ARMC1: variants seen among roughly 807,000 people sequenced by gnomAD.
ARMC1 encodes the protein armadillo repeat containing 1, also known as armadillo repeat-containing protein 1.
A neutral mutation model predicts 31.4 loss-of-function variants in ARMC1; 16 were observed. The ratio of observed to expected loss-of-function variants is 0.51; its 90% CI spans 0.34 to 0.77. ARMC1 has a LOEUF of 0.77. Among genes scored for constraint, ARMC1 ranks in the 30% least tolerant of loss-of-function variants. The pLI is 0.01. For synonymous variants in ARMC1, 114 were observed against 118.9 expected (o/e 0.96, Z 0.27); for missense variants, 259 against 347.5 (o/e 0.75, Z 2.02).
At chr8:65,620,085 C>T (rs1808360618) in intron 3 of ARMC1, among the ~76,000 whole-genome samples, 1 of 150,700 alleles carries the variant, frequency 6.6e-6, no homozygotes, top group Non-Finnish European at 1.5e-5. Flanking sequence ...TTGCACTGAG[C>T]TAACATCGTA....
intron 4 of ARMC1, among the ~76,000 whole-genome samples, chr8:65,610,895 T>C (rs557317768): frequency 4.7e-4 from 72 of 152,250 alleles, no homozygotes; most frequent in African/African-American, 1.6e-3. Flanking sequence ...TCATCTACAT[T>C]ATGAAATTTA....
intron 3 of ARMC1, among the ~76,000 whole-genome samples, chr8:65,619,435 G>A (rs554076209): frequency 6.6e-6 from 1 of 152,238 alleles, no homozygotes; most frequent in African/African-American, 2.4e-5. Flanking sequence ...GTACTCAGAA[G>A]GCTGAGACAG....
chr8:65,613,272 AC>A lies in ARMC1; in HGVS notation c.436del (p.Val146PhefsTer4). On this transcript the variant is annotated frameshift_variant, in exon 4 of 7. Transcript: ENST00000276569. LOFTEE classifies it high-confidence loss of function. ...ATCATCAAGGCCATCTATATGCAAA[AC>A]CACTGTTTTGGCACGTTTGTTTGTA... is the stretch of plus-strand genomic sequence containing the variant. The part of the protein sequence containing the change: ...GTTNKRAKTV[V>X]LHIDGLDDTS... 1 of 1,609,172 alleles carries A rather than the reference AC, an allele frequency of 6.2e-7. No individual in the cohort carries two copies. Among genetic ancestry groups the A allele is most frequent in the Non-Finnish European group, 8.5e-7 (1 of 1,178,614 alleles).
intron 2 of ARMC1, among the ~76,000 whole-genome samples, chr8:65,623,550 A>C (rs1023456187): frequency 2.0e-5 from 3 of 149,770 alleles, no homozygotes; most frequent in African/African-American, 7.4e-5. Flanking sequence ...CGGAGGTTGC[A>C]GTGAGCCGAG....
At position 65,633,609 on chromosome 8, in the gene ARMC1, A is replaced by C. The variant is rs1310218174; in HGVS notation, c.-36+389T>G. On this transcript the variant is annotated intron_variant, in intron 1 of 6. Transcript: ENST00000276569. ...CCTCCCAAAACACAGTCTTAAATATAAAAATGGGAACACTGGTCTCTCTTG... is the reference window on the plus strand; with the variant it reads ...CCTCCCAAAACACAGTCTTAAATATCAAAATGGGAACACTGGTCTCTCTTG... 6 of 152,264 alleles carry C rather than the reference A, an allele frequency of 3.9e-5. 1 individual carries two copies. Among genetic ancestry groups the C allele is most frequent in the Admixed American group, 3.9e-4 (6 of 15,278 alleles). The allele number at this position is 152,264 out of a possible 1,614,324, so 9.4% of individuals were successfully genotyped here. A position where few individuals can be genotyped will look rare whatever the true frequency, so the allele number is the denominator to read the frequency against.
chr8:65,619,284 C>T (rs1035520267), intron 3 of ARMC1, among the ~76,000 whole-genome samples: 3 of 152,090 alleles, frequency 2.0e-5, no homozygotes, highest in African/African-American at 7.2e-5. Flanking sequence ...CCTGTAATCC[C>T]AGCACTTATA....
At chr8:65,618,900 G>A (rs189893235) in intron 3 of ARMC1, among the ~76,000 whole-genome samples, 16 of 151,972 alleles carry the variant, frequency 1.1e-4, no homozygotes, top group East Asian at 1.9e-4. Context: ...AAAATTAGCC[G>A]GGCGTGGTGG....
rs199645121 is a variant in ARMC1, at chr8:65,619,542, G to GAA, written c.275+2719_275+2720dup. Among the ~76,000 whole-genome samples, 9 of 149,658 alleles carry GAA rather than the reference G, an allele frequency of 6.0e-5. No homozygotes were observed. In the East Asian group the frequency reaches 1.4e-3, roughly 23 times the overall value. On this transcript the variant is annotated intron_variant, in intron 3 of 6. Coordinates refer to ENST00000276569, the MANE Select transcript of ARMC1 (RefSeq NM_018120.6). ...TGAGAGTGAGACTTTGTCTCAAAAA[G>GAA]AAAAAAAAAGAAATTTTCGAGCAGC...
intron 4 of ARMC1, 24 bp downstream of exon 4, chr8:65,613,220 T>C: frequency 6.5e-7 from 1 of 1,535,062 alleles, no homozygotes; most frequent in Non-Finnish European, 8.8e-7. Flanking sequence ...ACATGATTTC[T>C]CTTTCCCATC....
At chr8:65,632,324 G>C (rs940244192) in intron 1 of ARMC1, among the ~76,000 whole-genome samples, 1 of 152,034 alleles carries the variant, frequency 6.6e-6, no homozygotes, top group Non-Finnish European at 1.5e-5. Context: ...CTGGGAGCTC[G>C]ACAGAGTGAC....
At chr8:65,628,656 G>A (rs143012631) in intron 1 of ARMC1, among the ~76,000 whole-genome samples, 6,949 of 143,944 alleles carry the variant, frequency 0.048, 552 homozygotes, top group African/African-American at 0.16. Flanking sequence ...TCAGGAGTTC[G>A]AGATCAGCCT....
At chr8:65,616,749 C>T (rs559727418) in intron 3 of ARMC1, among the ~76,000 whole-genome samples, 2 of 151,752 alleles carry the variant, frequency 1.3e-5, no homozygotes, top group South Asian at 2.1e-4. Flanking sequence ...CCCGCCGCCC[C>T]GTCTGGGATG....
intron 1 of ARMC1, among the ~76,000 whole-genome samples, chr8:65,630,013 C>T (rs1026144486): frequency 1.3e-5 from 2 of 151,398 alleles, no homozygotes; most frequent in Non-Finnish European, 2.9e-5. Flanking sequence ...GGCATGGTGG[C>T]GCAAACCTGG....
In ARMC1 at chr8:65,625,045, C is replaced by G. The variant is rs142580302; in HGVS notation, c.183+2171G>C. On this transcript the variant is annotated intron_variant, in intron 2 of 6. Coordinates refer to ENST00000276569, the MANE Select transcript of ARMC1 (RefSeq NM_018120.6). Reference sequence around the variant, plus strand: ...CTGAGGCAGGAGAATCGCTTGAACCCAGGAGGCGGAGGTTGCAGTGAGCCA... The same window carrying G: ...CTGAGGCAGGAGAATCGCTTGAACCGAGGAGGCGGAGGTTGCAGTGAGCCA... 2.4e-4 allele frequency among the ~76,000 whole-genome samples: 36 copies of G among 152,286 alleles called. No homozygotes were observed. The East Asian group carries it at 5.4e-3, about 23-fold the overall frequency.
intron 2 of ARMC1, among the ~76,000 whole-genome samples, chr8:65,624,653 T>C (rs1269014236): frequency 1.3e-5 from 2 of 152,144 alleles, no homozygotes; most frequent in Non-Finnish European, 2.9e-5. Context: ...AATGGAAATA[T>C]ACTCTTGTGT....
intron 4 of ARMC1, among the ~76,000 whole-genome samples, chr8:65,605,872 C>A (rs537567346): frequency 6.6e-6 from 1 of 152,234 alleles, no homozygotes; most frequent in South Asian, 2.1e-4. Context: ...AGAAGAAAAG[C>A]AGAGGTTCTT....
At chr8:65,604,728 G>A (rs1245562098) in intron 6 of ARMC1, 143 bp from the exon 7 acceptor site, 1 of 673,880 alleles carries the variant, frequency 1.5e-6, no homozygotes, top group East Asian at 2.7e-5. Flanking sequence ...AAAGGAGTAA[G>A]CAGAGTACAA....
At chr8:65,624,320 G>A (rs1221043305) in intron 2 of ARMC1, among the ~76,000 whole-genome samples, 4 of 151,040 alleles carry the variant, frequency 2.6e-5, no homozygotes, top group Non-Finnish European at 5.9e-5. Flanking sequence ...CCAACATGGC[G>A]AAACCCTGTC....
intron 3 of ARMC1, among the ~76,000 whole-genome samples, chr8:65,619,140 C>T (rs1338818377): frequency 1.3e-5 from 2 of 152,256 alleles, no homozygotes; most frequent in Admixed American, 6.5e-5. Context: ...ATATTTACAT[C>T]TTTGACTTAG....
Sources: allele counts gnomAD v4.1 joint callset (sites outside exome capture counted in the v4.1 genomes callset), GRCh38; gene constraint gnomAD v4.1.1; transcripts MANE v1.5; gene names NCBI Gene and HGNC (gene_info 2026-07-23, HGNC 2026-07-21).